Variants in DOCK7 observed in about 807,000 individuals in gnomAD.
DOCK7 encodes the protein dedicator of cytokinesis 7.
A neutral mutation model predicts 271.0 loss-of-function variants in DOCK7; 138 were observed. The ratio of observed to expected loss-of-function variants is 0.51; its 90% CI spans 0.44 to 0.59. The LOEUF (loss-of-function observed/expected upper bound fraction) is 0.59. DOCK7 is among the 20% of genes least tolerant of loss of function. The pLI is 0.00. For synonymous variants in DOCK7, 823 were observed against 876.1 expected (o/e 0.94, Z 1.07); for missense variants, 2,066 against 2,592.4 (o/e 0.80, Z 4.41).
chr1:62,604,348 T>C (rs1650627857), intron 14 of DOCK7: 1 of 1,339,826 alleles, frequency 7.5e-7, no homozygotes, highest in African/African-American at 1.6e-5. Flanking sequence ...AAATAAGCGT[T>C]TTCTCTCTAG....
rs199940827 is a variant in DOCK7, at chr1:62,552,739, C to T, written c.2759G>A (p.Gly920Glu). The T allele has an allele frequency of 6.2e-7, 1 of 1,610,308 alleles. No homozygotes were observed. Among genetic ancestry groups the T allele is most frequent in the Non-Finnish European group, 8.5e-7 (1 of 1,177,852 alleles). ...TGCATGTCTTCAGTTTACCTTACTCCCGATGATTGATCGAACTTCATCATC... is the reference window on the plus strand; with the variant it reads ...TGCATGTCTTCAGTTTACCTTACTCTCGATGATTGATCGAACTTCATCATC... Reference protein sequence around the residue: ...SPDDEVRSIIGSKGLDRSNSW... With the variant: ...SPDDEVRSIIESKGLDRSNSW... Residue 920 changes from glycine to glutamate, a missense_variant, in exon 22 of 50, where the codon GGG becomes GAG. Coordinates refer to ENST00000635253, the MANE Select transcript of DOCK7 (RefSeq NM_001367561.1).
At chr1:62,524,193 CAAAA>C in intron 31 of DOCK7, among the ~76,000 whole-genome samples, 1 of 152,022 alleles carries the variant, frequency 6.6e-6, no homozygotes. Context: ...ACCAGATTGG[CAAAA>C]ATTTAAAAAT....
At chr1:62,480,902 G>A (rs1646102525) in intron 43 of DOCK7, among the ~76,000 whole-genome samples, 1 of 151,966 alleles carries the variant, frequency 6.6e-6, no homozygotes, top group Non-Finnish European at 1.5e-5. Flanking sequence ...CCAGCTGCTC[G>A]GGAGGCTGAG....
chr1:62,625,618 A>G (rs1372259743), intron 11 of DOCK7, among the ~76,000 whole-genome samples: 7 of 152,202 alleles, frequency 4.6e-5, no homozygotes, highest in Admixed American at 4.6e-4. Context: ...ATAAGTTTCT[A>G]ACATGCAAAG....
intron 48 of DOCK7, among the ~76,000 whole-genome samples, chr1:62,473,514 A>T (rs570739730): frequency 6.6e-6 from 1 of 152,196 alleles, no homozygotes; most frequent in African/African-American, 2.4e-5. Flanking sequence ...GAATAAGTAT[A>T]TGCTATTAAA....
In DOCK7 at chr1:62,524,931, C is replaced by CTATA. The variant is rs147371901; in HGVS notation, c.3936+3216_3936+3219dup. 8.1e-3 allele frequency among the ~76,000 whole-genome samples: 838 copies of CTATA among 103,608 alleles called. 110 individuals are homozygous for CTATA. Among genetic ancestry groups the CTATA allele is most frequent in the African/African-American group, 0.026 (580 of 22,642 alleles). The allele number at this position is 103,608 out of a possible 152,430, so 68.0% of individuals were successfully genotyped here. ...AACAAAACAAAACCAACCAACCAAA[C>CTATA]TATATATATATATATATATATATAT... is the stretch of plus-strand genomic sequence containing the variant. On this transcript the variant is annotated intron_variant, in intron 31 of 49. Transcript: ENST00000635253.
rs199682893 is a variant in DOCK7, at chr1:62,529,272, G to A, written c.3781+5C>T. 1 of 1,589,340 alleles carries A rather than the reference G, an allele frequency of 6.3e-7. No homozygotes were observed. Among genetic ancestry groups the A allele is most frequent in the Admixed American group, 1.8e-5 (1 of 54,302 alleles). On this transcript the variant is annotated splice_donor_5th_base_variant and intron_variant, in intron 30 of 49. Transcript: ENST00000635253. ...TTTAATATTTGCCTTAATTATACTA[G>A]GTACCTGTAAAATCATACAGCTGAG...
In DOCK7 at chr1:62,634,374, G is replaced by GT. The variant is rs202048040; in HGVS notation, c.1035+398dup. 573 of 122,364 alleles carry GT rather than the reference G, an allele frequency of 4.7e-3. 2 individuals are homozygous for GT. Among genetic ancestry groups the GT allele is most frequent in the East Asian group, 0.03 (120 of 3,940 alleles). 7.6% of individuals were successfully genotyped at this position (122,364 alleles called of 1,614,324 possible). ...ATGCAATCCTTATCAAAATCTCAAT[G>GT]TTTTTTTTTTTTTTTTTTGCAGAAA... On this transcript the variant is annotated intron_variant, in intron 9 of 49. Transcript: ENST00000635253.
intron 14 of DOCK7, among the ~76,000 whole-genome samples, chr1:62,592,678 C>T (rs894218478): frequency 2.6e-5 from 4 of 152,046 alleles, no homozygotes; most frequent in Non-Finnish European, 5.9e-5. Flanking sequence ...TTCGCAAAGA[C>T]GGCAACAGAG....
At chr1:62,652,945 T>C (rs2149691555) in intron 4 of DOCK7, among the ~76,000 whole-genome samples, 1 of 152,264 alleles carries the variant, frequency 6.6e-6, no homozygotes, top group African/African-American at 2.4e-5. Flanking sequence ...ATGTAAAGCC[T>C]AGTGAAATAA....
chr1:62,616,115 C>T (rs1242403001), intron 14 of DOCK7, among the ~76,000 whole-genome samples: 1 of 151,568 alleles, frequency 6.6e-6, no homozygotes, highest in Non-Finnish European at 1.5e-5. Flanking sequence ...TTATAAAATC[C>T]CCTTAAATCA....
At chr1:62,598,095 T>A in intron 14 of DOCK7, 1 of 1,527,256 alleles carries the variant, frequency 6.5e-7, no homozygotes, top group Non-Finnish European at 8.8e-7. Flanking sequence ...CATGTTTATG[T>A]TTTCAATGTG....
At chr1:62,537,784 A>G in intron 28 of DOCK7, 107 bp downstream of exon 28, 1 of 1,006,984 alleles carries the variant, frequency 9.9e-7, no homozygotes, top group Non-Finnish European at 1.5e-6. Context: ...CTAAGAACTG[A>G]GCCTATCATA....
rs1646918423 is a variant in DOCK7, at chr1:62,505,743, C to T, written c.4550G>A (p.Cys1517Tyr). 1 of 1,613,608 alleles carries T rather than the reference C, an allele frequency of 6.2e-7. No individual in the cohort carries two copies. Among genetic ancestry groups the T allele is most frequent in the Non-Finnish European group, 8.5e-7 (1 of 1,179,754 alleles). Residue 1517 changes from cysteine (C) to tyrosine (Y), a missense_variant, in exon 36 of 50, where the codon TGT (cysteine) becomes TAT (tyrosine). By Grantham distance (194) the Cys-to-Tyr change is radical (BLOSUM62 -2). Coordinates refer to ENST00000635253, the MANE Select transcript of DOCK7 (RefSeq NM_001367561.1). ...VLKVLLHSMACNQSAVYLQHC... is the reference protein window; with the variant it reads ...VLKVLLHSMAYNQSAVYLQHC... ...TTGTAGATAAACTGCACTTTGGTTA[C>T]AGGCCATGCTGTGTAGTAGCACTTT...
chr1:62,667,166 C>G (rs1659413313), intron 1 of DOCK7, among the ~76,000 whole-genome samples: 1 of 152,162 alleles, frequency 6.6e-6, no homozygotes, highest in African/African-American at 2.4e-5. Context: ...TCTCTCTAGT[C>G]ATTCTTCATG....
At position 62,636,769 on chromosome 1, in the gene DOCK7, G is replaced by A. The variant is rs570016414; in HGVS notation, c.819-166C>T. Among the ~76,000 whole-genome samples, 91 of 152,056 alleles carry A rather than the reference G, an allele frequency of 6.0e-4. 2 individuals are homozygous for A. The highest frequency in any genetic ancestry group is 2.0e-3 in the African/African-American group (81 of 41,498). The stretch of plus-strand genomic sequence containing the variant: ...TGAAATACACTCTTCTATGCATATC[G>A]TTCAGAGTCTAAATCAACCTTATCT... On this transcript the variant is annotated intron_variant, in intron 7 of 49. Transcript: ENST00000635253.
chr1:62,584,973 T>C (rs1030271986), intron 15 of DOCK7: 5 of 565,086 alleles, frequency 8.8e-6, no homozygotes, highest in Non-Finnish European at 1.6e-5. Context: ...ATTTGTCGTA[T>C]GCTCAAATTC....
intron 41 of DOCK7, among the ~76,000 whole-genome samples, chr1:62,491,076 T>C (rs951094810): frequency 1.3e-5 from 2 of 152,214 alleles, no homozygotes; most frequent in East Asian, 3.8e-4. Context: ...GTAGGTACTA[T>C]TACTAGATGT....
At chr1:62,565,680 T>A (rs2149452652) in intron 18 of DOCK7, among the ~76,000 whole-genome samples, 1 of 152,264 alleles carries the variant, frequency 6.6e-6, no homozygotes, top group South Asian at 2.1e-4. Flanking sequence ...TCACCACTCC[T>A]ATTCAACACA....
Sources: allele counts gnomAD v4.1 joint callset (sites outside exome capture counted in the v4.1 genomes callset), GRCh38; gene constraint gnomAD v4.1.1; transcripts MANE v1.5; gene names NCBI Gene and HGNC (gene_info 2026-07-23, HGNC 2026-07-21).